The following ITPR2 variants were observed in gnomAD, a reference collection of about 807,000 sequenced individuals.
The protein encoded by ITPR2 is inositol 1,4,5-trisphosphate-gated calcium channel ITPR2.
Under a neutral mutation model 317.1 loss-of-function variants are expected in ITPR2, and 207 were observed. That is an observed-to-expected ratio of 0.65 (90% CI 0.58 to 0.73). The LOEUF is 0.73. Ranked by LOEUF, ITPR2 falls within the 30% of genes least tolerant of loss-of-function variation. The probability of loss-of-function intolerance (pLI) is 0.00; values close to 1 mark genes in which losing one functional copy is unlikely to be tolerated. For missense variants in ITPR2, 2,613 were observed against 3,284.0 expected, an observed-to-expected ratio of 0.80 and a Z score of 4.99; for synonymous variants, 1,156 against 1,149.1, an observed-to-expected ratio of 1.01 and a Z score of -0.12.
intron 55 of ITPR2, among the ~76,000 whole-genome samples, chr12:26,359,890 C>A (rs989005861): frequency 6.6e-6 from 1 of 152,240 alleles, no homozygotes; most frequent in South Asian, 2.1e-4. Context: ...TGCTTGGTAA[C>A]CTTGTGGGAA....
At chr12:26,595,743 T>C (rs891604731) in intron 31 of ITPR2, among the ~76,000 whole-genome samples, 153 bp from the exon 32 acceptor site, 1 of 152,214 alleles carries the variant, frequency 6.6e-6, no homozygotes, top group African/African-American at 2.4e-5. Flanking sequence ...TTCTCTTCTT[T>C]TGCTAACAGT....
intron 2 of ITPR2, among the ~76,000 whole-genome samples, chr12:26,752,914 C>A (rs1949451434): frequency 6.6e-6 from 1 of 152,042 alleles, no homozygotes; most frequent in Non-Finnish European, 1.5e-5. Flanking sequence ...AGTGCAGAAA[C>A]CCCCAACCCA....
intron 2 of ITPR2, among the ~76,000 whole-genome samples, chr12:26,730,578 A>C (rs774291312): frequency 1.3e-5 from 2 of 152,270 alleles, no homozygotes; most frequent in Non-Finnish European, 2.9e-5. Context: ...CTTAACCTTA[A>C]GACCTGAAGC....
intron 2 of ITPR2, among the ~76,000 whole-genome samples, chr12:26,757,219 CTT>C (rs534956309): frequency 9.7e-5 from 14 of 143,714 alleles, no homozygotes; most frequent in Admixed American, 1.4e-4. Context: ...CCTTTACTTT[CTT>C]TTTTTTTTTT....
At chr12:26,727,948 T>C (rs997553852) in intron 2 of ITPR2, among the ~76,000 whole-genome samples, 23 of 152,280 alleles carry the variant, frequency 1.5e-4, no homozygotes, top group African/African-American at 5.1e-4. Context: ...ACAGAGCCAC[T>C]GGCTGGTATG....
At chr12:26,406,402 G>A (rs1164034747) in intron 52 of ITPR2, 1 of 150,868 alleles carries the variant, frequency 6.6e-6, no homozygotes, top group East Asian at 1.9e-4. Flanking sequence ...AGGAACCAGG[G>A]AGGTCTGCAG....
At chr12:26,572,998 T>C (rs897614635) in intron 34 of ITPR2, among the ~76,000 whole-genome samples, 7 of 129,662 alleles carry the variant, frequency 5.4e-5, no homozygotes, top group African/African-American at 2.1e-4. Flanking sequence ...TTGGATTTCA[T>C]TTATTTATTT....
chr12:26,444,737 A>G (rs1261171044), intron 45 of ITPR2, among the ~76,000 whole-genome samples: 1 of 55,300 alleles, frequency 1.8e-5, no homozygotes, highest in South Asian at 7.8e-4. Flanking sequence ...ATAATCATGG[A>G]GATGAATTTT....
intron 55 of ITPR2, among the ~76,000 whole-genome samples, chr12:26,346,753 C>T (rs1223362765): frequency 5.3e-5 from 8 of 152,044 alleles, no homozygotes; most frequent in African/African-American, 1.9e-4. Context: ...CACCCCGGTT[C>T]TTGTTTTAGC....
intron 10 of ITPR2, among the ~76,000 whole-genome samples, 200 bp downstream of exon 10, chr12:26,695,406 C>T (rs1286248389): frequency 6.6e-6 from 1 of 152,160 alleles, no homozygotes; most frequent in African/African-American, 2.4e-5. Flanking sequence ...CTCCAAGTTG[C>T]AGAACTCTTC....
At chr12:26,340,871 G>A (rs1192657520) in intron 55 of ITPR2, among the ~76,000 whole-genome samples, 1 of 152,166 alleles carries the variant, frequency 6.6e-6, no homozygotes, top group Non-Finnish European at 1.5e-5. Flanking sequence ...ATGGCCTGAG[G>A]TTACTCTGTC....
At chr12:26,507,855 CTCTG>C (rs71069248) in intron 37 of ITPR2, among the ~76,000 whole-genome samples, 49,903 of 142,080 alleles carry the variant, frequency 0.35, 10,112 homozygotes, top group Non-Finnish European at 0.47. Context: ...ACTCTTCTCT[CTCTG>C]TCTCTGTGTG....
In ITPR2 at chr12:26,340,090, T is replaced by TGGACCCTCTGTCTCCCC. The variant is rs1938056461; in HGVS notation, c.8019+60_8019+76dup. On this transcript the variant is annotated intron_variant, in intron 56 of 56. Coordinates refer to ENST00000381340, the MANE Select transcript of ITPR2 (RefSeq NM_002223.4). Reference sequence around the variant, plus strand: ...CTCTGTGGATAATGACCTGGCTCCCTGGACCCTCTGTCTCCCCTCACCGGA... The same window carrying TGGACCCTCTGTCTCCCC: ...CTCTGTGGATAATGACCTGGCTCCCTGGACCCTCTGTCTCCCCGGACCCTCTGTCTCCCCTCACCGGA... The TGGACCCTCTGTCTCCCC allele has an allele frequency of 2.1e-6, 3 of 1,399,008 alleles. No homozygotes were observed. In the East Asian group the frequency reaches 7.2e-5, roughly 34 times the overall value. The allele number at this position is 1,399,008 out of a possible 1,614,324, so 86.7% of individuals were successfully genotyped here.
At chr12:26,811,452 A>C (rs553114995) in intron 1 of ITPR2, among the ~76,000 whole-genome samples, 4 of 151,576 alleles carry the variant, frequency 2.6e-5, no homozygotes, top group Non-Finnish European at 5.9e-5. Flanking sequence ...CTACTAAAAA[A>C]TACAAAAAAT....
At chr12:26,711,555 T>C (rs73290494) in intron 8 of ITPR2, among the ~76,000 whole-genome samples, 10,178 of 152,184 alleles carry the variant, frequency 0.067, 504 homozygotes, top group African/African-American at 0.14. Context: ...ATACTGAGAT[T>C]TTCTTCCCTT....
rs142667733 is a variant in ITPR2 at position 26,483,597 on chromosome 12, G to A, written c.6012+101C>T. 5.7e-5 allele frequency: 47 copies of A among 826,630 alleles called. No individual in the cohort carries two copies. In the African/African-American group the frequency reaches 6.3e-4, roughly 11 times the overall value. 51.2% of individuals were successfully genotyped at this position (826,630 alleles called of 1,614,324 possible). ...TATGTTTTATTAGGAAAGTAAAAATGTCTGGCAAAGCAAGAAGAAAGATCT... is the reference window on the plus strand; with the variant it reads ...TATGTTTTATTAGGAAAGTAAAAATATCTGGCAAAGCAAGAAGAAAGATCT... On this transcript the variant is annotated intron_variant, in intron 42 of 56. Transcript: ENST00000381340.
chr12:26,511,293 T>C (rs1943339689), intron 37 of ITPR2, among the ~76,000 whole-genome samples: 1 of 152,256 alleles, frequency 6.6e-6, no homozygotes, highest in Admixed American at 6.5e-5. Flanking sequence ...GTCTGTTTAA[T>C]GTCACTGTCT....
In ITPR2 at chr12:26,580,028, T is replaced by C. The variant is rs1394314292; in HGVS notation, c.4508A>G (p.Gln1503Arg). The change falls in exon 33 of 57, where the codon CAG becomes CGG. Residue 1503 changes from glutamine to arginine, a missense_variant and splice_region_variant. Around this residue, in one of 9 missense-constraint regions of ITPR2, gnomAD observed 926 missense variants for 1,072.8 expected, o/e 0.86. Coordinates refer to ENST00000381340, the MANE Select transcript of ITPR2 (RefSeq NM_002223.4). ...ATGCTTTGCAATTGTTTAACTTACC[T>C]GGAGGCTGGTACTATTGTCTGAAAA... ...SPFSDNSTSL[Q>R]THQPVFIQLL... 2.5e-6 allele frequency: 4 copies of C among 1,608,954 alleles called. No homozygotes were observed. The African/African-American group carries it at 4.0e-5, about 16-fold the overall frequency.
chr12:26,812,877 C>A (rs1950781072), intron 1 of ITPR2, among the ~76,000 whole-genome samples: 1 of 152,218 alleles, frequency 6.6e-6, no homozygotes, highest in African/African-American at 2.4e-5. Flanking sequence ...TATCAAACAT[C>A]TATTTATTCA....
Sources: gnomAD v4.1 joint callset for allele counts (sites outside exome capture counted in the v4.1 genomes callset) on GRCh38, gnomAD v4.1.1 for gene constraint, gnomAD v4.1.1 regional missense constraint, MANE v1.5 for transcripts, NCBI Gene and HGNC (gene_info 2026-07-23, HGNC 2026-07-21) for gene names.